ZFHX4: variants seen among roughly 807,000 people sequenced by gnomAD.
ZFHX4 encodes the protein zinc finger homeobox protein 4.
ZFHX4 carries 56 observed loss-of-function variants against 267.6 expected under a neutral mutation model. The observed-to-expected ratio is 0.21, with a 90% confidence interval of 0.17 to 0.26. The LOEUF is 0.26. Ranked by LOEUF, ZFHX4 falls within the 10% of genes least tolerant of loss-of-function variation. The probability of loss-of-function intolerance (pLI) is 1.00; values close to 1 mark genes in which losing one functional copy is unlikely to be tolerated. For synonymous variants in ZFHX4, 1,778 were observed against 1,665.6 expected, an observed-to-expected ratio of 1.07 and a Z score of -1.64; for missense variants, 4,332 against 4,420.0, an observed-to-expected ratio of 0.98 and a Z score of 0.56.
intron 1 of ZFHX4, among the ~76,000 whole-genome samples, chr8:76,686,570 A>G (rs1479258588): frequency 2.0e-5 from 3 of 152,004 alleles, no homozygotes; most frequent in Non-Finnish European, 4.4e-5. Context: ...TGCTTAATTG[A>G]CTCTGCATAT....
rs766162510 is a variant in ZFHX4 at position 76,853,879 on chromosome 8, G to A, written c.6958G>A (p.Val2320Ile). 3.1e-6 allele frequency: 5 copies of A among 1,613,922 alleles called. No individual in the cohort carries two copies. The highest frequency in any genetic ancestry group is 4.2e-6 in the Non-Finnish European group (5 of 1,179,882). The change falls in exon 10 of 11, where the codon GTT becomes ATT. Residue 2320 changes from valine to isoleucine, a missense_variant. By Grantham distance (29) the Val-to-Ile change is conservative. Around this residue, in one of 7 missense-constraint regions of ZFHX4, gnomAD observed 1,648 missense variants for 1,625.0 expected, o/e 1.01. Coordinates refer to ENST00000651372, the MANE Select transcript of ZFHX4 (RefSeq NM_024721.5). Reference protein sequence around the residue: ...MQYQCKKCNVVFPRIFDLITH... With the variant: ...MQYQCKKCNVIFPRIFDLITH... ...GTACCAGTGTAAAAAGTGCAATGTG[G>A]TTTTCCCCAGGATCTTTGACTTGAT...
Position 76,706,284 on chromosome 8 carries a change from T to C in ZFHX4, c.2196T>C (p.Asn732=). 1 of 1,614,008 alleles carries C rather than the reference T, an allele frequency of 6.2e-7. No homozygotes were observed. The highest frequency in any genetic ancestry group is 8.5e-7 in the Non-Finnish European group (1 of 1,179,956). The change falls in exon 2 of 11, where the codon AAT becomes AAC. Residue 732 remains asparagine, a synonymous_variant. Coordinates refer to ENST00000651372, the MANE Select transcript of ZFHX4 (RefSeq NM_024721.5). The part of the protein sequence containing the change: ...KHLNNVQNLQ[N]GNGEQVFGHS... ...TGAACAATGTTCAGAATCTCCAAAA[T>C]GGCAATGGTGAGCAGGTGTTTGGCC...
At chr8:76,763,758 C>G (rs915054422) in intron 3 of ZFHX4, among the ~76,000 whole-genome samples, 2 of 151,928 alleles carry the variant, frequency 1.3e-5, no homozygotes, top group African/African-American at 4.8e-5. Context: ...AAAAAATGTG[C>G]TATAGGCGTA....
intron 3 of ZFHX4, among the ~76,000 whole-genome samples, chr8:76,712,745 T>C (rs1334740602): frequency 6.6e-6 from 1 of 152,198 alleles, no homozygotes; most frequent in Non-Finnish European, 1.5e-5. Flanking sequence ...TTACTAAACA[T>C]TAACCTGAAT....
chr8:76,739,189 C>T (rs1256363924), intron 3 of ZFHX4, among the ~76,000 whole-genome samples: 1 of 152,154 alleles, frequency 6.6e-6, no homozygotes, highest in East Asian at 1.9e-4. Flanking sequence ...ATACTTAGAA[C>T]CTTCTCCAAG....
intron 4 of ZFHX4, among the ~76,000 whole-genome samples, chr8:76,812,343 T>A (rs998186534): frequency 6.6e-6 from 1 of 152,224 alleles, no homozygotes; most frequent in African/African-American, 2.4e-5. Context: ...TTTTAGCTTG[T>A]GATACCTGGG....
chr8:76,755,803 T>A (rs1279039209), intron 3 of ZFHX4, among the ~76,000 whole-genome samples: 1 of 152,160 alleles, frequency 6.6e-6, no homozygotes, highest in African/African-American at 2.4e-5. Flanking sequence ...TTTGTTGCCT[T>A]CTAGATAGTC....
chr8:76,719,346 G>A (rs1380315326), intron 3 of ZFHX4, among the ~76,000 whole-genome samples: 2 of 151,994 alleles, frequency 1.3e-5, no homozygotes, highest in Non-Finnish European at 2.9e-5. Context: ...AGTTCCTAGA[G>A]ATAATAAACC....
At position 76,852,208 on chromosome 8, in the gene ZFHX4, G is replaced by A. The variant is rs746897462; in HGVS notation, c.5287G>A (p.Gly1763Arg). The A allele has an allele frequency of 4.3e-6, 7 of 1,613,554 alleles. No homozygotes were observed. In the African/African-American group the frequency reaches 6.7e-5, roughly 15 times the overall value. Residue 1763 changes from glycine (G) to arginine (R), a missense_variant, in exon 10 of 11, where the codon GGG (glycine) becomes AGG (arginine). This residue lies in a region of ZFHX4 where 1,371 missense variants were observed against 1,423.1 expected (regional missense o/e 0.96). Transcript: ENST00000651372. ...GGGCTTGCCAGGCTCTGCCACATTT[G>A]GGATGCCTGGCATGACAGGAATGGC... ...DLGLPGSATF[G>R]MPGMTGMAGS...
intron 4 of ZFHX4, among the ~76,000 whole-genome samples, chr8:76,810,040 A>G (rs559732511): frequency 8.5e-4 from 130 of 152,344 alleles, no homozygotes; most frequent in African/African-American, 2.8e-3. Context: ...GTTAAAAAAT[A>G]TCAACCTAAA....
intron 10 of ZFHX4, among the ~76,000 whole-genome samples, chr8:76,859,685 A>T (rs1055832370): frequency 5.9e-5 from 9 of 152,030 alleles, no homozygotes; most frequent in Admixed American, 5.9e-4. Context: ...TCATACTTTA[A>T]TGTAATTTAC....
At chr8:76,726,022 T>C (rs1440117940) in intron 3 of ZFHX4, among the ~76,000 whole-genome samples, 1 of 152,182 alleles carries the variant, frequency 6.6e-6, no homozygotes, top group Non-Finnish European at 1.5e-5. Context: ...AACATAATGC[T>C]ACATACCCTG....
Position 76,706,358 on chromosome 8 carries a change from C to T in ZFHX4, c.2270C>T (p.Ser757Phe), listed in dbSNP as rs1216132000. Residue 757 changes from serine to phenylalanine, a missense_variant, in exon 2 of 11, where the codon TCT becomes TTT. By Grantham distance (155) the Ser-to-Phe change is radical. This residue lies in a region of ZFHX4 where 1,195 missense variants were observed against 1,173.6 expected (regional missense o/e 1.02). Transcript: ENST00000651372. Reference sequence around the variant, plus strand: ...AGCCTCAGTGGCTGCGGAACACCCTCTCCGTCCAAACCCAAACAGAAACCC... The same window carrying T: ...AGCCTCAGTGGCTGCGGAACACCCTTTCCGTCCAAACCCAAACAGAAACCC... ...NTSLSGCGTP[S>F]PSKPKQKPTW... is the part of the protein sequence containing the mutation. 1 of 1,614,084 alleles carries T rather than the reference C, an allele frequency of 6.2e-7. No homozygotes were observed. The highest frequency in any genetic ancestry group is 8.5e-7 in the Non-Finnish European group (1 of 1,179,950).
intron 3 of ZFHX4, among the ~76,000 whole-genome samples, chr8:76,735,967 A>G (rs1033914373): frequency 2.6e-5 from 4 of 152,090 alleles, no homozygotes; most frequent in African/African-American, 4.8e-5. Context: ...AGCGGAATAT[A>G]ATATGCAAAT....
At chr8:76,816,731 G>T (rs370803744) in intron 4 of ZFHX4, among the ~76,000 whole-genome samples, 1 of 151,822 alleles carries the variant, frequency 6.6e-6, no homozygotes, top group East Asian at 1.9e-4. Context: ...GAGTAGTTGG[G>T]ATTACAGGCG....
chr8:76,856,192 G>C lies in ZFHX4; in HGVS notation c.9271G>C (p.Gly3091Arg), dbSNP rs753453648. The C allele has an allele frequency of 1.2e-6, 2 of 1,613,932 alleles. No homozygotes were observed. Among genetic ancestry groups the C allele is most frequent in the Non-Finnish European group, 1.7e-6 (2 of 1,179,856 alleles). Residue 3091 changes from glycine to arginine, a missense_variant, in exon 10 of 11, where the codon GGC becomes CGC. Gly to Arg is a moderately radical substitution (Grantham distance 125, BLOSUM62 -2). Transcript: ENST00000651372. Reference protein sequence around the residue: ...PGMMDSSSLHGISLPTAYPGL... With the variant: ...PGMMDSSSLHRISLPTAYPGL... Reference sequence around the variant, plus strand: ...CATGATGGACAGCAGTTCTCTCCACGGCATCAGCCTGCCAACAGCCTACCC... The same window carrying C: ...CATGATGGACAGCAGTTCTCTCCACCGCATCAGCCTGCCAACAGCCTACCC...
chr8:76,709,969 T>G (rs1808382582), intron 3 of ZFHX4, among the ~76,000 whole-genome samples: 1 of 152,064 alleles, frequency 6.6e-6, no homozygotes, highest in African/African-American at 2.4e-5. Flanking sequence ...AACAACCAAT[T>G]AAGACAAAAG....
chr8:76,796,291 A>AT (rs1195761889), intron 4 of ZFHX4, among the ~76,000 whole-genome samples: 1 of 152,194 alleles, frequency 6.6e-6, no homozygotes, highest in Non-Finnish European at 1.5e-5. Flanking sequence ...AAATTGTATT[A>AT]TTTTAGAATA....
chr8:76,821,936 A>G (rs111363807), intron 4 of ZFHX4, among the ~76,000 whole-genome samples: 1 of 151,854 alleles, frequency 6.6e-6, no homozygotes, highest in Non-Finnish European at 1.5e-5. Flanking sequence ...TTAAACTACC[A>G]TTAATGCATT....
Sources: gnomAD v4.1 joint callset for allele counts (sites outside exome capture counted in the v4.1 genomes callset) on GRCh38, gnomAD v4.1.1 for gene constraint, gnomAD v4.1.1 regional missense constraint, MANE v1.5 for transcripts, NCBI Gene and HGNC (gene_info 2026-07-23, HGNC 2026-07-21) for gene names.